SLC4A7: variants seen among roughly 807,000 people sequenced by gnomAD.
SLC4A7 encodes the protein sodium bicarbonate cotransporter 3.
A neutral mutation model predicts 137.6 loss-of-function variants in SLC4A7; 51 were observed. The observed-to-expected ratio is 0.37, with a 90% CI of 0.30 to 0.47. The LOEUF (loss-of-function observed/expected upper bound fraction) is 0.47, where lower values mean the gene tolerates loss of function less well. SLC4A7 is among the 20% of genes least tolerant of loss of function. The pLI is 1.00. For missense variants in SLC4A7, 1,247 were observed against 1,525.4 expected, an observed-to-expected ratio of 0.82 and a Z score of 3.04; for synonymous variants, 542 against 518.6, an observed-to-expected ratio of 1.05 and a Z score of -0.61.
intron 1 of SLC4A7, among the ~76,000 whole-genome samples, chr3:27,483,066 C>T (rs1470010816): frequency 6.6e-6 from 1 of 152,210 alleles, no homozygotes; most frequent in Non-Finnish European, 1.5e-5. Context: ...AAAGACCGGA[C>T]AATTTTCCCT....
chr3:27,432,528 AAAG>A (rs1219607853), intron 6 of SLC4A7, among the ~76,000 whole-genome samples: 3 of 152,196 alleles, frequency 2.0e-5, no homozygotes, highest in African/African-American at 4.8e-5. Context: ...GTGTATCTTA[AAAG>A]AATAACATTC....
At chr3:27,429,680 T>C (rs1210091371) in intron 7 of SLC4A7, among the ~76,000 whole-genome samples, 3 of 151,784 alleles carry the variant, frequency 2.0e-5, no homozygotes, top group Admixed American at 6.6e-5. Context: ...TGAAACCCCG[T>C]CTCTACTAAA....
chr3:27,375,759 C>T lies in SLC4A7; in HGVS notation c.*1005G>A, dbSNP rs995597170. Reference sequence around the variant, plus strand: ...CAGGTAACAAGCTATTAAATGTAATCTACAAAAGTGAAAGAATAACATAAA... The same window carrying T: ...CAGGTAACAAGCTATTAAATGTAATTTACAAAAGTGAAAGAATAACATAAA... On this transcript the variant is annotated 3_prime_UTR_variant, in exon 26 of 26. Coordinates refer to ENST00000454389, the MANE Select transcript of SLC4A7 (RefSeq NM_001321103.2). 2.0e-5 allele frequency: 3 copies of T among 152,116 alleles called. No homozygotes were observed. Among genetic ancestry groups the T allele is most frequent in the African/African-American group, 7.3e-5 (3 of 41,368 alleles). The allele number at this position is 152,116 out of a possible 1,614,324, so 9.4% of individuals were successfully genotyped here.
intron 1 of SLC4A7, among the ~76,000 whole-genome samples, chr3:27,482,638 G>A (rs1362988012): frequency 6.6e-6 from 1 of 152,156 alleles, no homozygotes; most frequent in African/African-American, 2.4e-5. Flanking sequence ...TGGGCATAGT[G>A]GTGCGTGCCT....
intron 2 of SLC4A7, among the ~76,000 whole-genome samples, chr3:27,450,852 A>C (rs2058028948): frequency 6.6e-6 from 1 of 151,944 alleles, no homozygotes; most frequent in Non-Finnish European, 1.5e-5. Context: ...CTTAAACTTA[A>C]TCTCTCCCTC....
At chr3:27,423,316 T>A (rs1000743119) in intron 8 of SLC4A7, among the ~76,000 whole-genome samples, 1 of 152,200 alleles carries the variant, frequency 6.6e-6, no homozygotes, top group African/African-American at 2.4e-5. Flanking sequence ...ACCATGAGCA[T>A]CTGGTATTTT....
intron 20 of SLC4A7, 102 bp downstream of exon 20, chr3:27,394,416 C>T: frequency 9.3e-7 from 1 of 1,075,644 alleles, no homozygotes; most frequent in Non-Finnish European, 1.3e-6. Flanking sequence ...GAAAACAAAC[C>T]TAATTTTAGG....
At chr3:27,433,747 C>T (rs563555560) in intron 6 of SLC4A7, among the ~76,000 whole-genome samples, 169 bp downstream of exon 6, 7 of 152,202 alleles carry the variant, frequency 4.6e-5, no homozygotes, top group African/African-American at 1.7e-4. Context: ...ATTTATGCCT[C>T]TTTAATTAAT....
intron 9 of SLC4A7, among the ~76,000 whole-genome samples, 163 bp from the exon 10 acceptor site, chr3:27,420,950 G>A (rs181877606): frequency 1.7e-4 from 26 of 151,824 alleles, no homozygotes; most frequent in East Asian, 7.9e-4. Context: ...AACTCCACCC[G>A]GACTAAAGGA....
chr3:27,483,989 C>T, intron 1 of SLC4A7, 78 bp downstream of exon 1: 3 of 1,151,640 alleles, frequency 2.6e-6, no homozygotes, highest in Non-Finnish European at 3.3e-6. Context: ...CCGCGACGCC[C>T]GCCGCGCCCC....
chr3:27,378,408 A>G (rs2050108291), intron 25 of SLC4A7, among the ~76,000 whole-genome samples: 1 of 152,188 alleles, frequency 6.6e-6, no homozygotes. Context: ...ACTGTACATA[A>G]AAAAGAAGAA....
chr3:27,444,551 C>T (rs2057448759), intron 3 of SLC4A7, among the ~76,000 whole-genome samples: 1 of 152,132 alleles, frequency 6.6e-6, no homozygotes, highest in African/African-American at 2.4e-5. Flanking sequence ...GTCTTGAAAA[C>T]CGCTGATTAC....
chr3:27,449,083 G>A (rs1362530456), intron 2 of SLC4A7, among the ~76,000 whole-genome samples: 1 of 151,228 alleles, frequency 6.6e-6, no homozygotes. Context: ...TGTATTTTTA[G>A]TAGAGATGGG....
At chr3:27,379,671 C>T (rs1478523159) in intron 24 of SLC4A7, among the ~76,000 whole-genome samples, 1 of 151,942 alleles carries the variant, frequency 6.6e-6, no homozygotes, top group Non-Finnish European at 1.5e-5. Context: ...AAATATGTTA[C>T]TGAAATAACA....
rs922358648 is a variant in SLC4A7 at position 27,389,663 on chromosome 3, G to A, written c.3360+268C>T. Among the ~76,000 whole-genome samples the A allele has an allele frequency of 3.9e-5, 6 of 152,080 alleles. No homozygotes were observed. The East Asian group carries it at 5.8e-4, about 15-fold the overall frequency. ...TTGAAAATGTATTTGTTCCATGAAC[G>A]TCCTGAATTCTGAAGTTATTTAAAA... On this transcript the variant is annotated intron_variant, in intron 22 of 25. Coordinates refer to ENST00000454389, the MANE Select transcript of SLC4A7 (RefSeq NM_001321103.2).
intron 2 of SLC4A7, among the ~76,000 whole-genome samples, chr3:27,450,023 C>T (rs2057959416): frequency 6.6e-6 from 1 of 152,130 alleles, no homozygotes; most frequent in Non-Finnish European, 1.5e-5. Flanking sequence ...GATTTCATGC[C>T]ATTTTTCGGA....
At chr3:27,422,054 T>G (rs1160850877) in intron 8 of SLC4A7, among the ~76,000 whole-genome samples, 3 of 152,198 alleles carry the variant, frequency 2.0e-5, no homozygotes, top group Non-Finnish European at 2.9e-5. Flanking sequence ...ACTGCACTAT[T>G]CATTAAAAAC....
chr3:27,475,839 G>C (rs2059439604), intron 1 of SLC4A7, among the ~76,000 whole-genome samples: 1 of 152,276 alleles, frequency 6.6e-6, no homozygotes, highest in South Asian at 2.1e-4. Flanking sequence ...CTACTGAGTT[G>C]GTGCATTGGC....
chr3:27,452,305 A>G, intron 2 of SLC4A7, 112 bp downstream of exon 2: 1 of 689,714 alleles, frequency 1.4e-6, no homozygotes, highest in South Asian at 1.9e-5. Flanking sequence ...TTTACCTTAC[A>G]ACAATAACAA....
Sources: allele counts gnomAD v4.1 joint callset (sites outside exome capture counted in the v4.1 genomes callset), GRCh38; gene constraint gnomAD v4.1.1; transcripts MANE v1.5; gene names NCBI Gene and HGNC (gene_info 2026-07-23, HGNC 2026-07-21).